CANT1: variants seen among roughly 807,000 people sequenced by gnomAD.
CANT1 encodes the protein calcium activated nucleotidase 1, also known as soluble calcium-activated nucleotidase 1.
A neutral mutation model predicts 30.0 loss-of-function variants in CANT1; 26 were observed. The observed-to-expected ratio is 0.87, with a 90% CI of 0.64 to 1.20. CANT1 has a LOEUF of 1.20. Among genes scored for constraint, CANT1 ranks in the 50% most tolerant of loss-of-function variants. CANT1 has a pLI of 0.00. For synonymous variants in CANT1, 246 were observed against 251.8 expected (o/e 0.98, Z 0.22); for missense variants, 518 against 563.0 (o/e 0.92, Z 0.81).
In CANT1 at chr17:78,997,020, C is replaced by T. The variant is rs371849039; in HGVS notation, c.603G>A (p.Leu201=). ...TCTCCACGGTGCCGTCGCCGTCGGA[C>T]AGAATCACCCAGGGCACGGCTTTGC... ...EGSKAVPWVI[L]SDGDGTVEKG... The change falls in exon 3 of 5, where the codon CTG becomes CTA. Residue 201 remains leucine, a synonymous_variant. Coordinates refer to ENST00000392446, the MANE Select transcript of CANT1 (RefSeq NM_001159773.2). The surrounding 1 kb of genome is among the most constrained non-coding windows in gnomAD (Gnocchi z 7.5). 72 of 1,614,108 alleles carry T rather than the reference C, an allele frequency of 4.5e-5. No homozygotes were observed. Among genetic ancestry groups the T allele is most frequent in the Non-Finnish European group, 5.7e-5 (67 of 1,180,052 alleles).
Position 78,997,930 on chromosome 17 carries a change from G to T in CANT1, c.-113C>A. 2.7e-6 allele frequency: 1 copy of T among 368,766 alleles called. No individual in the cohort carries two copies. Among genetic ancestry groups the T allele is most frequent in the Admixed American group, 4.3e-5 (1 of 23,468 alleles). The allele number at this position is 368,766 out of a possible 1,614,324, so 22.8% of individuals were successfully genotyped here. On this transcript the variant is annotated 5_prime_UTR_variant, in exon 2 of 5. Coordinates refer to ENST00000392446, the MANE Select transcript of CANT1 (RefSeq NM_001159773.2). The surrounding 1 kb of genome is among the most constrained non-coding windows in gnomAD (Gnocchi z 7.5). ...CAACGTGGGAAGCTGAGTGAGGAAG[G>T]AAGTTCCATGCAGGCTGGTGCTCTG...
intron 1 of CANT1, among the ~76,000 whole-genome samples, chr17:78,999,794 C>T (rs2071187521): frequency 6.6e-6 from 1 of 151,960 alleles, no homozygotes; most frequent in Admixed American, 6.6e-5. Context: ...GCTGGGATTA[C>T]AGGCATGCAC....
chr17:78,995,292 GC>G lies in CANT1; in HGVS notation c.632-72del, dbSNP rs564815541. On this transcript the variant is annotated intron_variant, in intron 3 of 4. Coordinates refer to ENST00000392446, the MANE Select transcript of CANT1 (RefSeq NM_001159773.2). This position sits in a 1 kb window ranked among gnomAD's most constrained non-coding sequence, Gnocchi z 5.7. ...CACCCCTGCACCTGGCTCCCACCCG[GC>G]CCCGCACCTGTCCTTAGACCCCGCA... 1.7e-4 allele frequency: 251 copies of G among 1,497,426 alleles called. 2 individuals are homozygous for G. In the African/African-American group the frequency reaches 3.0e-3, roughly 18 times the overall value. The allele number at this position is 1,497,426 out of a possible 1,614,324, so 92.8% of individuals were successfully genotyped here.
At chr17:79,009,326 G>A (rs964182057) in intron 1 of CANT1, among the ~76,000 whole-genome samples, 1 of 151,968 alleles carries the variant, frequency 6.6e-6, no homozygotes, top group Admixed American at 6.6e-5. Context: ...TAATCAGAGG[G>A]GAATGGTCCC....
Position 78,993,841 on chromosome 17 carries a change from C to T in CANT1, c.915G>A (p.Glu305=). The T allele has an allele frequency of 6.2e-7, 1 of 1,603,094 alleles. No homozygotes were observed. Among genetic ancestry groups the T allele is most frequent in the South Asian group, 1.1e-5 (1 of 90,840 alleles). Reference sequence around the variant, plus strand: ...GCTCGTCGTCCTTCTCGCTGTAGCGCTCCTGGCTGGCGCGGCGCGGCAGGA... The same window carrying T: ...GCTCGTCGTCCTTCTCGCTGTAGCGTTCCTGGCTGGCGCGGCGCGGCAGGA... ...WFFLPRRASQ[E]RYSEKDDERK... The change falls in exon 5 of 5, where the codon GAG becomes GAA. Residue 305 remains glutamate (E), a synonymous_variant. Transcript: ENST00000392446. This position sits in a 1 kb window ranked among gnomAD's most constrained non-coding sequence, Gnocchi z 4.5.
intron 1 of CANT1, chr17:79,005,827 T>C (rs935565472): frequency 2.0e-5 from 3 of 152,226 alleles, no homozygotes; most frequent in Non-Finnish European, 4.4e-5. Context: ...CACACACTCA[T>C]GCTAACAGCG....
Position 78,995,290 on chromosome 17 carries a change from C to A in CANT1, c.632-69G>T, listed in dbSNP as rs532285782. ...CGCACCCCTGCACCTGGCTCCCACC[C>A]GGCCCCGCACCTGTCCTTAGACCCC... On this transcript the variant is annotated intron_variant, in intron 3 of 4. Transcript: ENST00000392446. The surrounding 1 kb of genome is among the most constrained non-coding windows in gnomAD (Gnocchi z 5.7). The A allele has an allele frequency of 2.5e-5, 38 of 1,506,184 alleles. No homozygotes were observed. Among genetic ancestry groups the A allele is most frequent in the Non-Finnish European group, 3.4e-5 (37 of 1,103,812 alleles). The allele number at this position is 1,506,184 out of a possible 1,614,324, so 93.3% of individuals were successfully genotyped here.
chr17:79,009,306 G>A lies in CANT1; in HGVS notation c.-147+358C>T, dbSNP rs181145757. ...GGAGTCACATAATCAGAGGGGGGAGGTGCCCACACTAATCAGAGGGGAATG... is the reference window on the plus strand; with the variant it reads ...GGAGTCACATAATCAGAGGGGGGAGATGCCCACACTAATCAGAGGGGAATG... On this transcript the variant is annotated intron_variant, in intron 1 of 4. Transcript: ENST00000392446. Among the ~76,000 whole-genome samples, 1,059 of 151,694 alleles carry A rather than the reference G, an allele frequency of 7.0e-3. 6 individuals are homozygous for A. The highest frequency in any genetic ancestry group is 0.01 in the Non-Finnish European group (691 of 67,842).
At chr17:79,001,371 C>A (rs1463641829) in intron 1 of CANT1, among the ~76,000 whole-genome samples, 1 of 152,126 alleles carries the variant, frequency 6.6e-6, no homozygotes, top group African/African-American at 2.4e-5. Flanking sequence ...CAGGTCAGTC[C>A]CCCCAGCCGC....
rs913222375 is a variant in CANT1 at position 78,997,870 on chromosome 17, C to T, written c.-53G>A. On this transcript the variant is annotated 5_prime_UTR_variant, in exon 2 of 5. The change creates a new upstream start codon in the 5' untranslated region. Coordinates refer to ENST00000392446, the MANE Select transcript of CANT1 (RefSeq NM_001159773.2). This position sits in a 1 kb window ranked among gnomAD's most constrained non-coding sequence, Gnocchi z 7.5. ...TTCGGCAAGACGTGAAGTCTTTCCA[C>T]AGCAAAATTACTCCATCTCCCCTGT... 4.6e-6 allele frequency: 2 copies of T among 436,624 alleles called. No homozygotes were observed. The highest frequency in any genetic ancestry group is 7.8e-5 in the Admixed American group (2 of 25,644). 27.0% of individuals were successfully genotyped at this position (436,624 alleles called of 1,614,324 possible).
intron 1 of CANT1, among the ~76,000 whole-genome samples, chr17:79,006,365 G>A (rs141059140): frequency 0.018 from 2,647 of 150,876 alleles, 67 homozygotes; most frequent in African/African-American, 0.06. Context: ...TGGGCTCCCT[G>A]GGAAAATCCA....
Position 78,998,650 on chromosome 17 carries a change from G to A in CANT1, c.-146-687C>T, listed in dbSNP as rs2071128475. 6.6e-6 allele frequency among the ~76,000 whole-genome samples: 1 copy of A among 152,264 alleles called. No individual in the cohort carries two copies. Among genetic ancestry groups the A allele is most frequent in the Non-Finnish European group, 1.5e-5 (1 of 68,040 alleles). The stretch of plus-strand genomic sequence containing the variant: ...CCCGGGCATACAGCATGATGGCTCA[G>A]TGCAGCCATGGGGCACCAGGCCCAC... On this transcript the variant is annotated intron_variant, in intron 1 of 4. Coordinates refer to ENST00000392446, the MANE Select transcript of CANT1 (RefSeq NM_001159773.2). The surrounding 1 kb of genome is among the most constrained non-coding windows in gnomAD (Gnocchi z 4.5).
intron 1 of CANT1, among the ~76,000 whole-genome samples, chr17:78,999,805 C>A (rs571935651): frequency 2.0e-5 from 3 of 151,972 alleles, no homozygotes; most frequent in East Asian, 3.9e-4. Flanking sequence ...AGGCATGCAC[C>A]ACCACGCCCG....
In CANT1 at chr17:79,008,365, T is replaced by C. The variant is rs985062248; in HGVS notation, c.-147+1299A>G. ...GGGAGAGGGAGGAAGAGCTGGGAGATAGCGGATCCTGAAGGGCTGCGGCAC... is the reference window on the plus strand; with the variant it reads ...GGGAGAGGGAGGAAGAGCTGGGAGACAGCGGATCCTGAAGGGCTGCGGCAC... On this transcript the variant is annotated intron_variant, in intron 1 of 4. Coordinates refer to ENST00000392446, the MANE Select transcript of CANT1 (RefSeq NM_001159773.2). This position sits in a 1 kb window ranked among gnomAD's most constrained non-coding sequence, Gnocchi z 4.4. Among the ~76,000 whole-genome samples, 2 of 152,156 alleles carry C rather than the reference T, an allele frequency of 1.3e-5. No individual in the cohort carries two copies. Among genetic ancestry groups the C allele is most frequent in the Non-Finnish European group, 2.9e-5 (2 of 68,014 alleles).
Position 78,992,715 on chromosome 17 carries a change from GA to G in CANT1, c.*834del. ...ATTGGCCAAGAACGCCGACATGTGA[GA>G]CTTGCTTCACCAGCCGCCACCGCTT... is the stretch of plus-strand genomic sequence containing the variant. On this transcript the variant is annotated 3_prime_UTR_variant, in exon 5 of 5. Transcript: ENST00000392446. 1.7e-6 allele frequency: 1 copy of G among 597,406 alleles called. No individual in the cohort carries two copies. Among genetic ancestry groups the G allele is most frequent in the East Asian group, 3.4e-5 (1 of 29,502 alleles). The allele number at this position is 597,406 out of a possible 1,614,324, so 37.0% of individuals were successfully genotyped here.
chr17:78,992,816 T>TG lies in CANT1; in HGVS notation c.*733_*734insC. The TG allele has an allele frequency of 2.3e-6, 1 of 429,398 alleles. No homozygotes were observed. Among genetic ancestry groups the TG allele is most frequent in the Non-Finnish European group, 4.6e-6 (1 of 218,920 alleles). 26.6% of individuals were successfully genotyped at this position (429,398 alleles called of 1,614,324 possible). A position where few individuals can be genotyped will look rare whatever the true frequency, so the allele number is the denominator to read the frequency against. On this transcript the variant is annotated 3_prime_UTR_variant, in exon 5 of 5. Coordinates refer to ENST00000392446, the MANE Select transcript of CANT1 (RefSeq NM_001159773.2). The stretch of plus-strand genomic sequence containing the variant: ...TGCTCTGTGTGATAAGATTTGGTGA[T>TG]TCCACTTTATAAGAAAGGAAACTGC...
intron 1 of CANT1, among the ~76,000 whole-genome samples, chr17:79,000,840 T>C (rs2071233289): frequency 1.3e-5 from 2 of 152,140 alleles, no homozygotes; most frequent in South Asian, 4.2e-4. Flanking sequence ...TCTCCCACCG[T>C]CCCTGCCTGG....
Position 78,993,645 on chromosome 17 carries a change from C to T in CANT1, c.1111G>A (p.Ala371Thr), listed in dbSNP as rs1382962293. ...AGCGTGAAGGCCATGATGTAGGAGG[C>T]GACTCTGCCGCTGTCCTCCTCGGAT... is the stretch of plus-strand genomic sequence containing the variant. ...LKSEEDSGRV[A>T]SYIMAFTLDG... The change falls in exon 5 of 5, where the codon GCC becomes ACC. Residue 371 changes from alanine (A) to threonine (T), a missense_variant. Ala to Thr is a moderately conservative substitution (Grantham distance 58, BLOSUM62 0). Transcript: ENST00000392446. This position sits in a 1 kb window ranked among gnomAD's most constrained non-coding sequence, Gnocchi z 4.5. The T allele has an allele frequency of 1.8e-5, 29 of 1,614,124 alleles. No individual in the cohort carries two copies. The highest frequency in any genetic ancestry group is 2.3e-5 in the Non-Finnish European group (27 of 1,180,060).
rs1397371586 is a variant in CANT1 at position 78,996,399 on chromosome 17, TC to T, written c.631+592del. On this transcript the variant is annotated intron_variant, in intron 3 of 4. Transcript: ENST00000392446. The surrounding 1 kb of genome is among the most constrained non-coding windows in gnomAD (Gnocchi z 5.1). ...GGAGGAAGACACTGGCCACCGTGCC[TC>T]CCCAAAGCCTGTCCCTGCCCTGTGG... 6.6e-6 allele frequency among the ~76,000 whole-genome samples: 1 copy of T among 152,126 alleles called. No homozygotes were observed. The highest frequency in any genetic ancestry group is 1.5e-5 in the Non-Finnish European group (1 of 68,008).
Sources: allele counts gnomAD v4.1 joint callset (sites outside exome capture counted in the v4.1 genomes callset), GRCh38; gene constraint gnomAD v4.1.1; non-coding constraint Gnocchi (gnomAD v3.1); transcripts MANE v1.5; gene names NCBI Gene and HGNC (gene_info 2026-07-23, HGNC 2026-07-21).